PRIM2: variants seen among roughly 807,000 people sequenced by gnomAD.
The protein encoded by PRIM2 is DNA primase subunit 2, also known as DNA primase large subunit.
Under a neutral mutation model 67.3 loss-of-function variants are expected in PRIM2, and 39 were observed. The ratio of observed to expected loss-of-function variants is 0.58; its 90% CI spans 0.45 to 0.76. PRIM2 has a LOEUF of 0.76. Ranked by LOEUF, PRIM2 falls within the 30% of genes least tolerant of loss-of-function variation. The pLI is 0.00. For synonymous variants in PRIM2, 143 were observed against 198.7 expected (o/e 0.72, Z 2.36); for missense variants, 398 against 598.7 (o/e 0.66, Z 3.50).
chr6:57,457,593 G>A (rs76674213), intron 7 of PRIM2, among the ~76,000 whole-genome samples: 1 of 152,158 alleles, frequency 6.6e-6, no homozygotes, highest in Non-Finnish European at 1.5e-5. Context: ...AGCCAGGCGT[G>A]GGATATAATC....
At chr6:57,498,494 A>C (rs2127456598) in intron 7 of PRIM2, among the ~76,000 whole-genome samples, 1 of 152,312 alleles carries the variant, frequency 6.6e-6, no homozygotes, top group Admixed American at 6.5e-5. Flanking sequence ...CCACTGCCCT[A>C]ATACCACTGT....
intron 10 of PRIM2, among the ~76,000 whole-genome samples, chr6:57,579,154 C>CA (rs1776028233): frequency 7.5e-6 from 1 of 133,964 alleles, no homozygotes. Context: ...ATTCTTGATA[C>CA]AGTTTTTTTT....
At chr6:57,600,026 T>C (rs1216973220) in intron 10 of PRIM2, among the ~76,000 whole-genome samples, 22 of 152,194 alleles carry the variant, frequency 1.4e-4, no homozygotes, top group Non-Finnish European at 2.2e-4. Flanking sequence ...TAATAACTGT[T>C]GTACATCACA....
At chr6:57,304,507 A>T in the PRIM2 span, among the ~76,000 whole-genome samples, 1 of 152,326 alleles carries the variant, frequency 6.6e-6, no homozygotes, top group South Asian at 2.1e-4. Context: ...CTGCCATTCC[A>T]CTGGAGAAAG....
chr6:57,405,904 T>TACC (rs1455061183), intron 7 of PRIM2, among the ~76,000 whole-genome samples: 1 of 152,164 alleles, frequency 6.6e-6, no homozygotes, highest in Admixed American at 6.6e-5. Context: ...TCATCATCAG[T>TACC]ACCACCATCA....
chr6:57,239,299 T>C, the PRIM2 span, among the ~76,000 whole-genome samples: 1 of 152,180 alleles, frequency 6.6e-6, no homozygotes, highest in South Asian at 2.1e-4. Flanking sequence ...CATGTTCCTC[T>C]TATTCTGCTA....
chr6:57,354,055 C>T (rs547561435), intron 5 of PRIM2, among the ~76,000 whole-genome samples: 65 of 152,254 alleles, frequency 4.3e-4, no homozygotes, highest in South Asian at 2.3e-3. Flanking sequence ...TCTCTTTCTT[C>T]GTTTCACAAA....
Position 57,625,442 on chromosome 6 carries a change from A to G in PRIM2, c.1231-6691A>G, listed in dbSNP as rs1297346523. 3.7e-4 allele frequency among the ~76,000 whole-genome samples: 57 copies of G among 152,368 alleles called. No homozygotes were observed. The East Asian group carries it at 9.2e-3, about 25-fold the overall frequency. On this transcript the variant is annotated intron_variant, in intron 12 of 13. Coordinates refer to ENST00000615550, the MANE Select transcript of PRIM2 (RefSeq NM_000947.5). ...GATCATCACTAGGATTTTGTGAGCTAAAGTTCCAAAGATCACATTGCAGGA... is the reference window on the plus strand; with the variant it reads ...GATCATCACTAGGATTTTGTGAGCTGAAGTTCCAAAGATCACATTGCAGGA...
chr6:57,549,990 C>G (rs1184898210), intron 10 of PRIM2, among the ~76,000 whole-genome samples: 1 of 152,072 alleles, frequency 6.6e-6, no homozygotes, highest in Non-Finnish European at 1.5e-5. Context: ...GAGGCTGAGG[C>G]AGGAGAATTG....
chr6:57,601,027 T>A (rs2127491435), intron 10 of PRIM2, 66 bp from the exon 11 acceptor site: 1 of 1,422,998 alleles, frequency 7.0e-7, no homozygotes, highest in East Asian at 2.4e-5. Context: ...TTCTAGCTTG[T>A]GTTGCTGACC....
At chr6:57,624,637 G>A (rs2127497677) in intron 12 of PRIM2, among the ~76,000 whole-genome samples, 1 of 152,246 alleles carries the variant, frequency 6.6e-6, no homozygotes, top group Admixed American at 6.5e-5. Flanking sequence ...AGGCAGATTA[G>A]GCAAAAGGAG....
chr6:57,444,435 C>T (rs914344863), intron 7 of PRIM2, among the ~76,000 whole-genome samples: 4 of 151,964 alleles, frequency 2.6e-5, no homozygotes, highest in Non-Finnish European at 4.4e-5. Flanking sequence ...TGTGTAGTGG[C>T]GCACGCCTGT....
At chr6:57,488,776 G>C (rs1156484478) in intron 7 of PRIM2, among the ~76,000 whole-genome samples, 1 of 152,202 alleles carries the variant, frequency 6.6e-6, no homozygotes, top group Non-Finnish European at 1.5e-5. Context: ...GTCAGCTTCA[G>C]TAGTGAGTTG....
At chr6:57,330,347 T>TG (rs1167154212) in intron 5 of PRIM2, among the ~76,000 whole-genome samples, 2 of 101,246 alleles carry the variant, frequency 2.0e-5, no homozygotes, top group East Asian at 2.4e-4. Context: ...TTGCTGAACT[T>TG]GTTTTTTTTT....
At chr6:57,396,595 T>G (rs548946471) in intron 7 of PRIM2, among the ~76,000 whole-genome samples, 1 of 152,358 alleles carries the variant, frequency 6.6e-6, no homozygotes, top group Non-Finnish European at 1.5e-5. Context: ...TGGTGAATTC[T>G]TATCCATTCT....
chr6:57,354,099 G>C (rs2208348), intron 5 of PRIM2, among the ~76,000 whole-genome samples: 2 of 152,126 alleles, frequency 1.3e-5, no homozygotes. Context: ...TTCTATGAAT[G>C]CTTTTCTTTA....
At chr6:57,230,921 A>G in the PRIM2 span, among the ~76,000 whole-genome samples, 6 of 152,172 alleles carry the variant, frequency 3.9e-5, no homozygotes, top group Middle Eastern at 3.2e-3. Flanking sequence ...GCTGTACTGT[A>G]TCTCCTGGTA....
intron 7 of PRIM2, chr6:57,382,525 C>A (rs1769998659): frequency 6.0e-6 from 1 of 165,400 alleles, no homozygotes; most frequent in South Asian, 1.8e-4. Context: ...TCCTAGATTT[C>A]TGTTCTGAAT....
At chr6:57,340,249 C>T (rs1768423953) in intron 5 of PRIM2, among the ~76,000 whole-genome samples, 1 of 152,232 alleles carries the variant, frequency 6.6e-6, no homozygotes. Context: ...CACTTTTACA[C>T]AGTTGGTGGG....
Sources: gnomAD v4.1 joint callset for allele counts (sites outside exome capture counted in the v4.1 genomes callset) on GRCh38, gnomAD v4.1.1 for gene constraint, MANE v1.5 for transcripts, NCBI Gene and HGNC (gene_info 2026-07-23, HGNC 2026-07-21) for gene names.